SUN2: variants seen among roughly 807,000 people sequenced by gnomAD.
The protein encoded by SUN2 is SUN domain-containing protein 2.
A neutral mutation model predicts 100.0 loss-of-function variants in SUN2; 60 were observed. The observed-to-expected ratio is 0.60, with a 90% CI of 0.49 to 0.74. The LOEUF (loss-of-function observed/expected upper bound fraction) is 0.74. Among genes scored for constraint, SUN2 ranks in the 30% least tolerant of loss-of-function variants. The pLI is 0.00. For missense variants in SUN2, 834 were observed against 954.6 expected (o/e 0.87, Z 1.66); for synonymous variants, 367 against 403.3 (o/e 0.91, Z 1.08).
intron 7 of SUN2, 122 bp from the exon 8 acceptor site, chr22:38,745,933 T>C (rs2092900736): frequency 7.0e-7 from 1 of 1,423,242 alleles, no homozygotes; most frequent in East Asian, 2.5e-5. Context: ...AGCTGTGCCC[T>C]TCCAGAGGCA....
chr22:38,750,396 A>T lies in SUN2; in HGVS notation c.425-76T>A, dbSNP rs927995069. ...CCTTCACTGTCTTCTGTGAGCCAAG[A>T]CCACAAGTCACCCACCCTCCTTCAC... On this transcript the variant is annotated intron_variant, in intron 4 of 17. Transcript: ENST00000689035. The T allele has an allele frequency of 5.0e-5, 79 of 1,578,044 alleles. No homozygotes were observed. The Admixed American group carries it at 1.4e-3, about 27-fold the overall frequency.
chr22:38,751,486 G>C, intron 2 of SUN2, 113 bp from the exon 3 acceptor site: 1 of 1,175,244 alleles, frequency 8.5e-7, no homozygotes, highest in Non-Finnish European at 1.2e-6. Flanking sequence ...GGGTTCCCTT[G>C]TTGCTAGGCA....
chr22:38,755,053 G>C lies in SUN2; in HGVS notation c.-38+710C>G, dbSNP rs1233396799. 1.9e-6 allele frequency: 1 copy of C among 538,706 alleles called. No individual in the cohort carries two copies. The highest frequency in any genetic ancestry group is 2.7e-5 in the South Asian group (1 of 36,696). The allele number at this position is 538,706 out of a possible 1,614,324, so 33.4% of individuals were successfully genotyped here. ...AACAATCAGTTAGGAAACGCTCATCGGAAAGCATCCTTCCCCACTTCTCAG... is the reference window on the plus strand; with the variant it reads ...AACAATCAGTTAGGAAACGCTCATCCGAAAGCATCCTTCCCCACTTCTCAG... On this transcript the variant is annotated intron_variant, in intron 1 of 17. Coordinates refer to ENST00000689035, the MANE Select transcript of SUN2 (RefSeq NM_015374.3). The surrounding 1 kb of genome is among the most constrained non-coding windows in gnomAD (Gnocchi z 5.7).
intron 8 of SUN2, chr22:38,745,124 T>C (rs1395620698): frequency 2.1e-6 from 1 of 471,078 alleles, no homozygotes; most frequent in Non-Finnish European, 4.4e-6. Flanking sequence ...CTGGTTGCCT[T>C]GGTTCTCTCT....
intron 1 of SUN2, among the ~76,000 whole-genome samples, chr22:38,753,210 C>CTTTTT (rs869037443): frequency 5.1e-4 from 44 of 86,254 alleles, no homozygotes; most frequent in African/African-American, 7.2e-4. Context: ...CACCTATGTT[C>CTTTTT]TTTTTTTTTT....
Position 38,739,639 on chromosome 22 carries a change from G to A in SUN2, c.1578+83C>T. The stretch of plus-strand genomic sequence containing the variant: ...GCACTTCCATCCTGGAACCTGCCAG[G>A]GAGCTGGCAGTGTGGGACTGTCCAG... On this transcript the variant is annotated intron_variant, in intron 13 of 17. Transcript: ENST00000689035. This position sits in a 1 kb window ranked among gnomAD's most constrained non-coding sequence, Gnocchi z 6.7. The A allele has an allele frequency of 6.7e-7, 1 of 1,492,052 alleles. No individual in the cohort carries two copies. The highest frequency in any genetic ancestry group is 9.2e-7 in the Non-Finnish European group (1 of 1,086,806). 92.4% of individuals were successfully genotyped at this position (1,492,052 alleles called of 1,614,324 possible).
intron 7 of SUN2, among the ~76,000 whole-genome samples, chr22:38,747,587 T>C (rs1476033997): frequency 6.6e-6 from 1 of 152,198 alleles, no homozygotes; most frequent in Non-Finnish European, 1.5e-5. Context: ...GAGAGTCACA[T>C]AGGCAATTCA....
chr22:38,748,704 C>T lies in SUN2; in HGVS notation c.685+9G>A, dbSNP rs1482836598. On this transcript the variant is annotated intron_variant, in intron 7 of 17. Coordinates refer to ENST00000689035, the MANE Select transcript of SUN2 (RefSeq NM_015374.3). ...TGTGCCTCCCTCTGCTCTCCCCATGCAGGCTCACCATACGTCAGGCACGTC... is the reference window on the plus strand; with the variant it reads ...TGTGCCTCCCTCTGCTCTCCCCATGTAGGCTCACCATACGTCAGGCACGTC... The T allele has an allele frequency of 1.9e-6, 3 of 1,614,198 alleles. No homozygotes were observed. The East Asian group carries it at 6.7e-5, about 36-fold the overall frequency.
Position 38,737,035 on chromosome 22 carries a change from C to T in SUN2, c.2041-655G>A, listed in dbSNP as rs751107515. Among the ~76,000 whole-genome samples the T allele has an allele frequency of 1.3e-5, 2 of 152,122 alleles. No individual in the cohort carries two copies. Among genetic ancestry groups the T allele is most frequent in the South Asian group, 2.1e-4 (1 of 4,832 alleles). ...AATTTTTTAACATTTTTTGTAGAGT[C>T]GGGATCTCGCTGTGTTCACCAGCCT... On this transcript the variant is annotated intron_variant, in intron 17 of 17. Transcript: ENST00000689035. The surrounding 1 kb of genome is among the most constrained non-coding windows in gnomAD (Gnocchi z 4.1).
intron 8 of SUN2, chr22:38,745,108 A>C (rs766743096): frequency 4.2e-6 from 2 of 471,188 alleles, no homozygotes; most frequent in Non-Finnish European, 4.4e-6. Flanking sequence ...TCAAGGCCTC[A>C]AAGGTCTGGT....
Position 38,735,504 on chromosome 22 carries a change from A to G in SUN2, c.*763T>C, listed in dbSNP as rs41274549. 1,764 of 287,938 alleles carry G rather than the reference A, an allele frequency of 6.1e-3. 13 individuals carry two copies. Among genetic ancestry groups the G allele is most frequent in the Non-Finnish European group, 9.8e-3 (1,429 of 145,718 alleles). The allele number at this position is 287,938 out of a possible 1,614,324, so 17.8% of individuals were successfully genotyped here. The stretch of plus-strand genomic sequence containing the variant: ...CTCAGGGGCACTGGCAGGCCCTAGC[A>G]GGAACAGGGAGCAGGGTGGGCCCCA... On this transcript the variant is annotated 3_prime_UTR_variant, in exon 18 of 18. Coordinates refer to ENST00000689035, the MANE Select transcript of SUN2 (RefSeq NM_015374.3).
At chr22:38,750,799 A>T (rs1014756169) in intron 4 of SUN2, 99 bp downstream of exon 4, 3 of 1,545,512 alleles carry the variant, frequency 1.9e-6, no homozygotes, top group Non-Finnish European at 2.6e-6. Context: ...TGCCTGCCAC[A>T]TGCTGCCCTC....
At chr22:38,741,349 G>T in intron 10 of SUN2, 145 bp downstream of exon 10, 2 of 849,494 alleles carry the variant, frequency 2.4e-6, no homozygotes, top group Non-Finnish European at 3.7e-6. Flanking sequence ...GGGGTCGGGG[G>T]TCAAACAGAG....
intron 1 of SUN2, chr22:38,754,603 T>TGGGGGGGG (rs2092971171): frequency 9.0e-6 from 8 of 889,150 alleles, no homozygotes; most frequent in Non-Finnish European, 1.1e-5. Context: ...TAAGGTAATC[T>TGGGGGGGG]CCCCTCCCCC....
chr22:38,739,709 A>G lies in SUN2; in HGVS notation c.1578+13T>C. Reference sequence around the variant, plus strand: ...TGTGGGTGGGTGTGTGGAGAGGGGCATGTGGGCCTCACCTCCTCTGTCACT... The same window carrying G: ...TGTGGGTGGGTGTGTGGAGAGGGGCGTGTGGGCCTCACCTCCTCTGTCACT... On this transcript the variant is annotated intron_variant, in intron 13 of 17. Coordinates refer to ENST00000689035, the MANE Select transcript of SUN2 (RefSeq NM_015374.3). The surrounding 1 kb of genome is among the most constrained non-coding windows in gnomAD (Gnocchi z 6.7). The G allele has an allele frequency of 6.2e-7, 1 of 1,612,006 alleles. No individual in the cohort carries two copies.
Position 38,740,453 on chromosome 22 carries a change from G to T in SUN2, c.1191-21C>A. On this transcript the variant is annotated intron_variant, in intron 11 of 17. Coordinates refer to ENST00000689035, the MANE Select transcript of SUN2 (RefSeq NM_015374.3). This position sits in a 1 kb window ranked among gnomAD's most constrained non-coding sequence, Gnocchi z 4.8. Reference sequence around the variant, plus strand: ...TCATGCTGGTCCCAGAGAGAGAAGAGTAAGCCTCGGATCTCTTTGGTGGGA... The same window carrying T: ...TCATGCTGGTCCCAGAGAGAGAAGATTAAGCCTCGGATCTCTTTGGTGGGA... 1 of 1,461,216 alleles carries T rather than the reference G, an allele frequency of 6.8e-7. No individual in the cohort carries two copies. The highest frequency in any genetic ancestry group is 9.1e-7 in the Non-Finnish European group (1 of 1,098,482). The allele number at this position is 1,461,216 out of a possible 1,614,324, so 90.5% of individuals were successfully genotyped here. A position where few individuals can be genotyped will look rare whatever the true frequency, so the allele number is the denominator to read the frequency against.
Position 38,739,634 on chromosome 22 carries a change from G to T in SUN2, c.1578+88C>A. On this transcript the variant is annotated intron_variant, in intron 13 of 17. Transcript: ENST00000689035. This position sits in a 1 kb window ranked among gnomAD's most constrained non-coding sequence, Gnocchi z 6.7. ...GCTTGGCACTTCCATCCTGGAACCTGCCAGGGAGCTGGCAGTGTGGGACTG... is the reference window on the plus strand; with the variant it reads ...GCTTGGCACTTCCATCCTGGAACCTTCCAGGGAGCTGGCAGTGTGGGACTG... 1.3e-6 allele frequency: 2 copies of T among 1,490,176 alleles called. No individual in the cohort carries two copies. Among genetic ancestry groups the T allele is most frequent in the Non-Finnish European group, 1.8e-6 (2 of 1,087,192 alleles). The allele number at this position is 1,490,176 out of a possible 1,614,324, so 92.3% of individuals were successfully genotyped here.
At position 38,740,918 on chromosome 22, in the gene SUN2, C is replaced by A. The variant is rs1010716932; in HGVS notation, c.1190+89G>T. 2.7e-5 allele frequency: 37 copies of A among 1,378,460 alleles called. No individual in the cohort carries two copies. Among genetic ancestry groups the A allele is most frequent in the Non-Finnish European group, 3.5e-5 (35 of 995,648 alleles). The allele number at this position is 1,378,460 out of a possible 1,614,324, so 85.4% of individuals were successfully genotyped here. ...TGCTTGGCAAGATGATCAGAACTCTCTGCTCTGCGGCTCTGCTCCCCAGTC... is the reference window on the plus strand; with the variant it reads ...TGCTTGGCAAGATGATCAGAACTCTATGCTCTGCGGCTCTGCTCCCCAGTC... On this transcript the variant is annotated intron_variant, in intron 11 of 17. Transcript: ENST00000689035. The surrounding 1 kb of genome is among the most constrained non-coding windows in gnomAD (Gnocchi z 4.8).
chr22:38,754,988 C>T (rs79483980), intron 1 of SUN2: 18,809 of 1,287,126 alleles, frequency 0.015, 176 homozygotes, highest in Non-Finnish European at 0.017. Context: ...TCTACTACTG[C>T]GAATCATAAT....
Sources: gnomAD v4.1 joint callset for allele counts (sites outside exome capture counted in the v4.1 genomes callset) on GRCh38, gnomAD v4.1.1 for gene constraint, Gnocchi (gnomAD v3.1) non-coding constraint, MANE v1.5 for transcripts, NCBI Gene and HGNC (gene_info 2026-07-23, HGNC 2026-07-21) for gene names.